The following UTS2B variants were observed in gnomAD, a reference collection of about 807,000 sequenced individuals.
UTS2B encodes urotensin 2B, also known as urotensin-2B.
A neutral mutation model predicts 19.2 loss-of-function variants in UTS2B; 21 were observed. The observed-to-expected ratio is 1.09, with a 90% CI of 0.78 to 1.58. The LOEUF is 1.58. Among genes scored for constraint, UTS2B ranks in the 40% most tolerant of loss-of-function variants. The probability of loss-of-function intolerance (pLI) is 0.00; values close to 1 mark genes in which losing one functional copy is unlikely to be tolerated. For missense variants in UTS2B, 138 were observed against 130.3 expected (o/e 1.06, Z -0.29); for synonymous variants, 57 against 50.2 (o/e 1.14, Z -0.58).
intron 3 of UTS2B, among the ~76,000 whole-genome samples, chr3:191,308,146 T>C (rs1717195570): frequency 6.6e-6 from 1 of 152,168 alleles, no homozygotes; most frequent in Non-Finnish European, 1.5e-5. Flanking sequence ...CTTTTTCCTT[T>C]CTGTTAGTGG....
At chr3:191,332,715 C>A (rs919844963), upstream of UTS2B, among the ~76,000 whole-genome samples, 10 of 152,216 alleles carry the variant, frequency 6.6e-5, no homozygotes, top group Admixed American at 6.5e-5. Flanking sequence ...GACAAACTTA[C>A]ATTTTTCAGG....
At chr3:191,301,232 G>C (rs1209587425) in intron 4 of UTS2B, among the ~76,000 whole-genome samples, 2 of 152,240 alleles carry the variant, frequency 1.3e-5, no homozygotes, top group Admixed American at 6.5e-5. Flanking sequence ...TCTCATTCTA[G>C]CTGGTGCCCT....
At chr3:191,314,334 A>T (rs1717390034) in intron 3 of UTS2B, among the ~76,000 whole-genome samples, 1 of 152,070 alleles carries the variant, frequency 6.6e-6, no homozygotes, top group Non-Finnish European at 1.5e-5. Flanking sequence ...CACAAGTTCC[A>T]ATTGGGTCAG....
Position 191,316,138 on chromosome 3 carries a change from T to A in UTS2B, c.-284A>T, listed in dbSNP as rs564447552. On this transcript the variant is annotated 5_prime_UTR_variant, in exon 3 of 9. Coordinates refer to ENST00000340524, the MANE Select transcript of UTS2B (RefSeq NM_198152.5). Reference sequence around the variant, plus strand: ...TAGATGTCAGCTGTCAGCTGGGAGCTCCATTATGTTGGCTGGGGTGTTTGT... The same window carrying A: ...TAGATGTCAGCTGTCAGCTGGGAGCACCATTATGTTGGCTGGGGTGTTTGT... The A allele has an allele frequency of 6.6e-6, 1 of 152,378 alleles. No individual in the cohort carries two copies. Among genetic ancestry groups the A allele is most frequent in the South Asian group, 2.1e-4 (1 of 4,826 alleles). 9.4% of individuals were successfully genotyped at this position (152,378 alleles called of 1,614,324 possible).
At chr3:191,344,804 C>T in the UTS2B span, among the ~76,000 whole-genome samples, 1 of 152,286 alleles carries the variant, frequency 6.6e-6, no homozygotes, top group Admixed American at 6.5e-5. Context: ...GTCTCGAACT[C>T]GGGAGCTCAG....
At chr3:191,331,651 A>T (rs1717989121), upstream of UTS2B, among the ~76,000 whole-genome samples, 1 of 152,220 alleles carries the variant, frequency 6.6e-6, no homozygotes, top group Admixed American at 6.5e-5. Context: ...TAGTTCCAAG[A>T]TCATCAAAGG....
chr3:191,274,141 A>G (rs914239037), intron 8 of UTS2B, among the ~76,000 whole-genome samples: 1 of 151,398 alleles, frequency 6.6e-6, no homozygotes, highest in African/African-American at 2.4e-5. Flanking sequence ...CCTACCCTCC[A>G]CTTCATCTTC....
At position 191,268,261 on chromosome 3, in the gene UTS2B, C is replaced by T. The variant is rs988951061; in HGVS notation, c.*155G>A. 2 of 578,240 alleles carry T rather than the reference C, an allele frequency of 3.5e-6. No individual in the cohort carries two copies. The highest frequency in any genetic ancestry group is 5.8e-6 in the Non-Finnish European group (2 of 341,926). The allele number at this position is 578,240 out of a possible 1,614,324, so 35.8% of individuals were successfully genotyped here. On this transcript the variant is annotated 3_prime_UTR_variant, in exon 9 of 9. Transcript: ENST00000340524. ...GCAGTCCAACCTGGCATTGTCTTTACACAATCCCGCATGCAATTTTGTATT... is the reference window on the plus strand; with the variant it reads ...GCAGTCCAACCTGGCATTGTCTTTATACAATCCCGCATGCAATTTTGTATT...
chr3:191,273,549 G>C, intron 8 of UTS2B: 1 of 456,608 alleles, frequency 2.2e-6, no homozygotes, highest in East Asian at 6.9e-5. Flanking sequence ...CTGTATCAAC[G>C]TTCTGGATGA....
Position 191,270,705 on chromosome 3 carries a change from CA to C in UTS2B, c.335-2265del, listed in dbSNP as rs1716068684. Reference sequence around the variant, plus strand: ...TTCACCAAACAATCCTTGGCAAGGCCATTAATGACCTTTCCTCTGCTGAATT... The same window carrying C: ...TTCACCAAACAATCCTTGGCAAGGCCTTAATGACCTTTCCTCTGCTGAATT... On this transcript the variant is annotated intron_variant, in intron 8 of 8. Transcript: ENST00000340524. Among the ~76,000 whole-genome samples, 12 of 152,232 alleles carry C rather than the reference CA, an allele frequency of 7.9e-5. No individual in the cohort carries two copies. The South Asian group carries it at 2.3e-3, about 29-fold the overall frequency.
the UTS2B span, among the ~76,000 whole-genome samples, chr3:191,345,838 G>T: frequency 6.6e-6 from 1 of 152,156 alleles, no homozygotes; most frequent in Admixed American, 6.6e-5. Flanking sequence ...TTCGCAGTGT[G>T]TTTGTTGAAG....
At chr3:191,316,860 A>T (rs1717468566) in intron 2 of UTS2B, among the ~76,000 whole-genome samples, 1 of 152,250 alleles carries the variant, frequency 6.6e-6, no homozygotes, top group Admixed American at 6.5e-5. Context: ...CCAGCTAGAC[A>T]CTGAGTGCTG....
chr3:191,307,858 C>CA (rs1397230414), intron 3 of UTS2B, among the ~76,000 whole-genome samples: 1 of 125,968 alleles, frequency 7.9e-6, no homozygotes, highest in African/African-American at 3.2e-5. Flanking sequence ...TTTTTTGAGT[C>CA]AGAGTCTCGC....
upstream of UTS2B, among the ~76,000 whole-genome samples, chr3:191,335,482 A>G (rs538598801): frequency 2.1e-4 from 32 of 152,314 alleles, no homozygotes; most frequent in East Asian, 1.7e-3. Flanking sequence ...TTTGGGGATT[A>G]CTTGGATGTT....
chr3:191,280,659 G>T (rs1389051490), intron 5 of UTS2B, among the ~76,000 whole-genome samples: 1 of 152,096 alleles, frequency 6.6e-6, no homozygotes. Flanking sequence ...ATATCACTGT[G>T]TGGCATTCTG....
In UTS2B at chr3:191,329,656, A is replaced by G. The variant is rs565556736; in HGVS notation, c.-665+758T>C. 2.2e-5 allele frequency: 35 copies of G among 1,605,692 alleles called. No homozygotes were observed. The highest frequency in any genetic ancestry group is 1.9e-4 in the Admixed American group (11 of 59,094). On this transcript the variant is annotated intron_variant, in intron 1 of 8. Coordinates refer to ENST00000340524, the MANE Select transcript of UTS2B (RefSeq NM_198152.5). ...CCGGGAAGCCCGCGTTAAAGGGGCA[A>G]CCGGGACCCTGGCCCGGTATGGCTG...
intron 4 of UTS2B, among the ~76,000 whole-genome samples, chr3:191,287,785 G>C (rs780571559): frequency 6.6e-5 from 10 of 151,608 alleles, no homozygotes; most frequent in Non-Finnish European, 1.5e-4. Context: ...AGAAAGAAAA[G>C]GTATCCAGAA....
At chr3:191,290,365 T>C (rs566566656) in intron 4 of UTS2B, among the ~76,000 whole-genome samples, 3 of 152,368 alleles carry the variant, frequency 2.0e-5, no homozygotes, top group Admixed American at 1.3e-4. Flanking sequence ...TTGCCATTTA[T>C]TGAGCAATCA....
intron 2 of UTS2B, among the ~76,000 whole-genome samples, chr3:191,317,583 TTGTTG>T (rs1717500683): frequency 6.6e-6 from 1 of 152,148 alleles, no homozygotes; most frequent in Non-Finnish European, 1.5e-5. Flanking sequence ...GTTGTTGTTG[TTGTTG>T]TTGTTGTTGA....
Sources: allele counts gnomAD v4.1 joint callset (sites outside exome capture counted in the v4.1 genomes callset), GRCh38; gene constraint gnomAD v4.1.1; transcripts MANE v1.5; gene names NCBI Gene and HGNC (gene_info 2026-07-23, HGNC 2026-07-21).